Variants in COPG1 observed in about 807,000 individuals in gnomAD.
COPG1 encodes coatomer subunit gamma-1.
COPG1 carries 29 observed loss-of-function variants against 102.8 expected under a neutral mutation model. That is an observed-to-expected ratio of 0.28 (90% confidence interval 0.21 to 0.38). The LOEUF (loss-of-function observed/expected upper bound fraction) is 0.38, where lower values mean the gene tolerates loss of function less well. Among genes scored for constraint, COPG1 ranks in the 10% least tolerant of loss-of-function variants. The pLI is 1.00. For missense variants in COPG1, 875 were observed against 1,132.7 expected (o/e 0.77, Z 3.27); for synonymous variants, 406 against 421.6 (o/e 0.96, Z 0.45).
Position 129,257,884 on chromosome 3 carries a change from G to A in COPG1, c.871+24G>A, listed in dbSNP as rs748642487. 3.7e-6 allele frequency: 6 copies of A among 1,609,668 alleles called. No homozygotes were observed. The Admixed American group carries it at 8.4e-5, about 22-fold the overall frequency. Reference sequence around the variant, plus strand: ...AGGTCACTGGGCATTCCTTCACCCAGCCTCACATGTTTATGCTTGCTGGGA... The same window carrying A: ...AGGTCACTGGGCATTCCTTCACCCAACCTCACATGTTTATGCTTGCTGGGA... On this transcript the variant is annotated intron_variant, in intron 10 of 23. Coordinates refer to ENST00000314797, the MANE Select transcript of COPG1 (RefSeq NM_016128.4).
intron 21 of COPG1, 143 bp from the exon 22 acceptor site, chr3:129,274,695 C>A: frequency 2.2e-6 from 2 of 920,846 alleles, no homozygotes; most frequent in Non-Finnish European, 3.3e-6. Flanking sequence ...TCAAGTTGCT[C>A]TATGTCCCCA....
chr3:129,262,947 C>T (rs1260559378), intron 12 of COPG1, among the ~76,000 whole-genome samples: 1 of 148,174 alleles, frequency 6.7e-6, no homozygotes, highest in Non-Finnish European at 1.5e-5. Flanking sequence ...TTGACCTGGC[C>T]TGGAGGTGGA....
intron 1 of COPG1, 102 bp downstream of exon 1, chr3:129,249,848 G>GCAGGGGCTTGTGC: frequency 7.8e-7 from 1 of 1,280,896 alleles, no homozygotes; most frequent in East Asian, 2.6e-5. Context: ...CCAGTGAGGG[G>GCAGGGGCTTGTGC]CAGGGGCTTG....
intron 8 of COPG1, among the ~76,000 whole-genome samples, chr3:129,256,697 A>G (rs779571236): frequency 1.3e-5 from 2 of 152,240 alleles, no homozygotes; most frequent in Admixed American, 6.5e-5. Context: ...ATGAGTGCCT[A>G]TCGGCGCTCC....
intron 8 of COPG1, among the ~76,000 whole-genome samples, chr3:129,257,184 G>A (rs997758796): frequency 4.6e-5 from 7 of 152,198 alleles, no homozygotes; most frequent in African/African-American, 1.7e-4. Context: ...TCATCTTTGT[G>A]CTGTTTGTTG....
At position 129,267,068 on chromosome 3, in the gene COPG1, A is replaced by C; in HGVS notation, c.1513A>C (p.Met505Leu). The stretch of plus-strand genomic sequence containing the variant: ...GAAGTTTGGAGCCCAGAATGAAGAG[A>C]TGTTACCCAGTATCTTGGTGTTGCT... Reference protein sequence around the residue: ...LAKFGAQNEEMLPSILVLLKR... With the variant: ...LAKFGAQNEELLPSILVLLKR... The change falls in exon 15 of 24, where the codon ATG becomes CTG. Residue 505 changes from methionine to leucine, a missense_variant. Transcript: ENST00000314797. 6.2e-7 allele frequency: 1 copy of C among 1,613,836 alleles called. No individual in the cohort carries two copies. Among genetic ancestry groups the C allele is most frequent in the Non-Finnish European group, 8.5e-7 (1 of 1,179,840 alleles).
At chr3:129,268,425 G>A (rs1576968406) in intron 16 of COPG1, 70 bp from the exon 17 acceptor site, 1 of 1,555,926 alleles carries the variant, frequency 6.4e-7, no homozygotes, top group African/African-American at 1.4e-5. Flanking sequence ...GGACCCCAGG[G>A]CCTCCATGGT....
In COPG1 at chr3:129,251,327, G is replaced by A. The variant is rs143789927; in HGVS notation, c.90+593G>A. 2.4e-3 allele frequency among the ~76,000 whole-genome samples: 355 copies of A among 150,516 alleles called. 2 individuals carry two copies. In the East Asian group the frequency reaches 0.029, roughly 12 times the overall value. On this transcript the variant is annotated intron_variant, in intron 2 of 23. Coordinates refer to ENST00000314797, the MANE Select transcript of COPG1 (RefSeq NM_016128.4). ...AAGCTAGACTGTGGCCATTATGCAGGTAGAGATTTTGCATGACTTGTTTAT... is the reference window on the plus strand; with the variant it reads ...AAGCTAGACTGTGGCCATTATGCAGATAGAGATTTTGCATGACTTGTTTAT...
chr3:129,269,744 T>C (rs1237467681), intron 18 of COPG1, among the ~76,000 whole-genome samples: 2 of 152,026 alleles, frequency 1.3e-5, no homozygotes, highest in Non-Finnish European at 2.9e-5. Context: ...CCTGAGCTAA[T>C]TGGGATCGCT....
chr3:129,268,186 C>G lies in COPG1; in HGVS notation c.1648+146C>G, dbSNP rs1235801788. The G allele has an allele frequency of 5.7e-6, 4 of 696,672 alleles. No homozygotes were observed. The East Asian group carries it at 1.1e-4, about 19-fold the overall frequency. 43.2% of individuals were successfully genotyped at this position (696,672 alleles called of 1,614,324 possible). On this transcript the variant is annotated intron_variant, in intron 16 of 23. Coordinates refer to ENST00000314797, the MANE Select transcript of COPG1 (RefSeq NM_016128.4). ...TGGCATCATGGTGACCTCAGGAGGTCCCGGGTCATTCAGGTCACACCTGAA... is the reference window on the plus strand; with the variant it reads ...TGGCATCATGGTGACCTCAGGAGGTGCCGGGTCATTCAGGTCACACCTGAA...
Position 129,260,771 on chromosome 3 carries a change from C to G in COPG1, c.1092C>G (p.Ile364Met). 6.2e-7 allele frequency: 1 copy of G among 1,612,676 alleles called. No individual in the cohort carries two copies. The highest frequency in any genetic ancestry group is 1.1e-5 in the South Asian group (1 of 90,996). Residue 364 changes from isoleucine (I) to methionine (M), a missense_variant, in exon 12 of 24, where the codon ATC becomes ATG. Ile to Met is a conservative substitution (Grantham distance 10). Coordinates refer to ENST00000314797, the MANE Select transcript of COPG1 (RefSeq NM_016128.4). ...ESSIDRLMKQISSFMSEISDE... is the reference protein window; with the variant it reads ...ESSIDRLMKQMSSFMSEISDE... Reference sequence around the variant, plus strand: ...GCATCGACCGCCTCATGAAGCAGATCTCCTCCTTCATGTCAGAAATCTCGG... The same window carrying G: ...GCATCGACCGCCTCATGAAGCAGATGTCCTCCTTCATGTCAGAAATCTCGG...
chr3:129,277,132 G>A (rs1292857011), intron 23 of COPG1, among the ~76,000 whole-genome samples, 162 bp from the exon 24 acceptor site: 1 of 152,068 alleles, frequency 6.6e-6, no homozygotes. Flanking sequence ...GAGAGACAGT[G>A]ACTTTCACAG....
In COPG1 at chr3:129,277,282, C is replaced by T. The variant is rs750068561; in HGVS notation, c.2495-12C>T. 6.2e-7 allele frequency: 1 copy of T among 1,613,596 alleles called. No homozygotes were observed. Among genetic ancestry groups the T allele is most frequent in the Non-Finnish European group, 8.5e-7 (1 of 1,179,786 alleles). ...CTGCTGTATATATCTGTACTTCTCT[C>T]TTCCCTTCTAGGTGTGTTCCGGGGT... On this transcript the variant is annotated splice_polypyrimidine_tract_variant and intron_variant, in intron 23 of 23. Transcript: ENST00000314797.
intron 12 of COPG1, among the ~76,000 whole-genome samples, chr3:129,262,346 G>A (rs1368144918): frequency 6.6e-6 from 1 of 151,356 alleles, no homozygotes; most frequent in African/African-American, 2.4e-5. Context: ...TCCGCCTCCT[G>A]GGTTCACGCC....
chr3:129,256,411 A>G (rs1166508175), intron 8 of COPG1, among the ~76,000 whole-genome samples: 3 of 152,234 alleles, frequency 2.0e-5, no homozygotes, highest in Non-Finnish European at 4.4e-5. Context: ...CCAGCTGAGT[A>G]TTGTTTTGGA....
intron 5 of COPG1, 186 bp downstream of exon 5, chr3:129,253,141 A>G: frequency 1.8e-6 from 1 of 550,018 alleles, no homozygotes; most frequent in Non-Finnish European, 3.2e-6. Flanking sequence ...TAATTCTCTG[A>G]CCTTGACTTG....
At chr3:129,276,927 G>A (rs1053974692) in intron 23 of COPG1, among the ~76,000 whole-genome samples, 2 of 150,192 alleles carry the variant, frequency 1.3e-5, no homozygotes, top group Non-Finnish European at 2.9e-5. Context: ...GGGTTCAAGC[G>A]ATTCTCCTGC....
Position 129,260,717 on chromosome 3 carries a change from C to T in COPG1, c.1038C>T (p.Thr346=), listed in dbSNP as rs755207836. Residue 346 remains threonine, a synonymous_variant, in exon 12 of 24, where the codon ACC becomes ACT. Coordinates refer to ENST00000314797, the MANE Select transcript of COPG1 (RefSeq NM_016128.4). ...GCAGCATTGCCACGCTGGCCATCAC[C>T]ACCCTCCTTAAGACGGGCAGCGAGA... ...SNRSIATLAI[T]TLLKTGSESS... is the part of the protein sequence containing the mutation. The T allele has an allele frequency of 1.2e-5, 20 of 1,613,670 alleles. No homozygotes were observed. The highest frequency in any genetic ancestry group is 1.7e-4 in the Middle Eastern group (1 of 5,790).
intron 11 of COPG1, 47 bp downstream of exon 11, chr3:129,260,447 G>A: frequency 6.3e-7 from 1 of 1,588,806 alleles, no homozygotes; most frequent in Middle Eastern, 1.7e-4. Context: ...GATCCAACTG[G>A]AGGTGTGTCC....
Sources: gnomAD v4.1 joint callset for allele counts (sites outside exome capture counted in the v4.1 genomes callset) on GRCh38, gnomAD v4.1.1 for gene constraint, MANE v1.5 for transcripts, NCBI Gene and HGNC (gene_info 2026-07-23, HGNC 2026-07-21) for gene names.